PLPPR2: variants seen among roughly 807,000 people sequenced by gnomAD.
The protein encoded by PLPPR2 is phospholipid phosphatase-related protein type 2.
A neutral mutation model predicts 40.3 loss-of-function variants in PLPPR2; 11 were observed. The ratio of observed to expected loss-of-function variants is 0.27; its 90% CI spans 0.17 to 0.45. The LOEUF (loss-of-function observed/expected upper bound fraction) is 0.45, where lower values mean the gene tolerates loss of function less well. Ranked by LOEUF, PLPPR2 falls within the 20% of genes least tolerant of loss-of-function variation. PLPPR2 has a pLI of 1.00. For synonymous variants in PLPPR2, 260 were observed against 290.8 expected, an observed-to-expected ratio of 0.89 and a Z score of 1.08; for missense variants, 497 against 640.7, an observed-to-expected ratio of 0.78 and a Z score of 2.42.
At position 11,362,129 on chromosome 19, in the gene PLPPR2, T is replaced by C. The variant is rs1968063934; in HGVS notation, c.664-384T>C. Among the ~76,000 whole-genome samples, 1 of 152,054 alleles carries C rather than the reference T, an allele frequency of 6.6e-6. No homozygotes were observed. The highest frequency in any genetic ancestry group is 2.1e-4 in the South Asian group (1 of 4,824). ...CACCTCCTACAGCTCCTACAGCTCC[T>C]ACAGCTCCCTTCGCCCTGACTCCAC... is the stretch of plus-strand genomic sequence containing the variant. On this transcript the variant is annotated intron_variant, in intron 6 of 9. Transcript: ENST00000688289. This position sits in a 1 kb window ranked among gnomAD's most constrained non-coding sequence, Gnocchi z 5.3.
At position 11,361,159 on chromosome 19, in the gene PLPPR2, G is replaced by C; in HGVS notation, c.392-58G>C. ...GAAAAGGGAGCTAAGAGGCCCAATG[G>C]AATCAGTGGGAGCATCAGGGCCTGG... On this transcript the variant is annotated intron_variant, in intron 5 of 9. Coordinates refer to ENST00000688289, the MANE Select transcript of PLPPR2 (RefSeq NM_001393892.1). This position sits in a 1 kb window ranked among gnomAD's most constrained non-coding sequence, Gnocchi z 6.3. The C allele has an allele frequency of 6.5e-7, 1 of 1,537,594 alleles. No individual in the cohort carries two copies. The highest frequency in any genetic ancestry group is 8.8e-7 in the Non-Finnish European group (1 of 1,142,710).
chr19:11,364,896 C>T lies in PLPPR2; in HGVS notation c.*206C>T. Reference sequence around the variant, plus strand: ...GATGGGCACAAATGGAAGGTGCGCACTTGCCCCTACTATTGCCCTTTTAAG... The same window carrying T: ...GATGGGCACAAATGGAAGGTGCGCATTTGCCCCTACTATTGCCCTTTTAAG... On this transcript the variant is annotated 3_prime_UTR_variant, in exon 10 of 10. Transcript: ENST00000688289. This position sits in a 1 kb window ranked among gnomAD's most constrained non-coding sequence, Gnocchi z 5.8. 1.6e-6 allele frequency: 1 copy of T among 629,848 alleles called. No individual in the cohort carries two copies. The highest frequency in any genetic ancestry group is 2.7e-6 in the Non-Finnish European group (1 of 367,304). 39.0% of individuals were successfully genotyped at this position (629,848 alleles called of 1,614,324 possible).
rs1968089243 is a variant in PLPPR2 at position 11,362,834 on chromosome 19, T to C, written c.840+145T>C. 1.0e-6 allele frequency: 1 copy of C among 977,072 alleles called. No individual in the cohort carries two copies. The highest frequency in any genetic ancestry group is 1.6e-5 in the African/African-American group (1 of 61,070). 60.5% of individuals were successfully genotyped at this position (977,072 alleles called of 1,614,324 possible). Reference sequence around the variant, plus strand: ...ACATTACCCTTCCTGGATATTCTCATCTGTGAAATGAGATACCAGGATCAG... The same window carrying C: ...ACATTACCCTTCCTGGATATTCTCACCTGTGAAATGAGATACCAGGATCAG... On this transcript the variant is annotated intron_variant, in intron 7 of 9. Transcript: ENST00000688289. This position sits in a 1 kb window ranked among gnomAD's most constrained non-coding sequence, Gnocchi z 5.3.
At position 11,362,470 on chromosome 19, in the gene PLPPR2, G is replaced by A. The variant is rs1416238073; in HGVS notation, c.664-43G>A. The A allele has an allele frequency of 1.2e-6, 2 of 1,603,800 alleles. No individual in the cohort carries two copies. The highest frequency in any genetic ancestry group is 2.2e-5 in the East Asian group (1 of 44,864). On this transcript the variant is annotated intron_variant, in intron 6 of 9. Transcript: ENST00000688289. The surrounding 1 kb of genome is among the most constrained non-coding windows in gnomAD (Gnocchi z 5.3). ...AAAGGAGCGTCCACTTGGGTTCGGC[G>A]ACTTGCCTCCGCTATCCCCCTGACC...
rs1244157919 is a variant in PLPPR2, at chr19:11,364,582, C to T, written c.1251C>T (p.Pro417=). ...GGGRGRKLLL[P]TPLLRDLYTL... is the part of the protein sequence containing the mutation. ...GACGTGGCCGGAAGCTGCTGCTGCC[C>T]ACGCCCCTGCTGCGGGACCTGTACA... Residue 417 remains proline (P), a synonymous_variant, in exon 10 of 10, where the codon CCC becomes CCT. Coordinates refer to ENST00000688289, the MANE Select transcript of PLPPR2 (RefSeq NM_001393892.1). This position sits in a 1 kb window ranked among gnomAD's most constrained non-coding sequence, Gnocchi z 5.8. 2 of 1,537,030 alleles carry T rather than the reference C, an allele frequency of 1.3e-6. No individual in the cohort carries two copies. Among genetic ancestry groups the T allele is most frequent in the Non-Finnish European group, 1.7e-6 (2 of 1,146,856 alleles).
At chr19:11,358,993 G>C (rs1332041607) in intron 3 of PLPPR2, among the ~76,000 whole-genome samples, 3 of 152,086 alleles carry the variant, frequency 2.0e-5, no homozygotes, top group Non-Finnish European at 4.4e-5. Context: ...GGGATTACAA[G>C]CATGAGCCAC....
At position 11,365,010 on chromosome 19, in the gene PLPPR2, A is replaced by C; in HGVS notation, c.*320A>C. The C allele has an allele frequency of 3.4e-5, 13 of 379,468 alleles. No homozygotes were observed. Among genetic ancestry groups the C allele is most frequent in the East Asian group, 1.7e-4 (3 of 18,036 alleles). 23.5% of individuals were successfully genotyped at this position (379,468 alleles called of 1,614,324 possible). A position where few individuals can be genotyped will look rare whatever the true frequency, so the allele number is the denominator to read the frequency against. On this transcript the variant is annotated 3_prime_UTR_variant, in exon 10 of 10. Coordinates refer to ENST00000688289, the MANE Select transcript of PLPPR2 (RefSeq NM_001393892.1). ...AACCAAAAGGAGTTGGCTCCAACCA[A>C]TGGGAGCCTTCCCCTCACTTCTTAG...
Position 11,364,803 on chromosome 19 carries a change from C to G in PLPPR2, c.*113C>G. 1 of 1,228,410 alleles carries G rather than the reference C, an allele frequency of 8.1e-7. No individual in the cohort carries two copies. The highest frequency in any genetic ancestry group is 2.2e-5 in the Admixed American group (1 of 46,250). The allele number at this position is 1,228,410 out of a possible 1,614,324, so 76.1% of individuals were successfully genotyped here. Reference sequence around the variant, plus strand: ...CCCTGCCCCCCAAGCCAGCCAGACCCAGACATTAGAAGATGGCTAGAAGGA... The same window carrying G: ...CCCTGCCCCCCAAGCCAGCCAGACCGAGACATTAGAAGATGGCTAGAAGGA... On this transcript the variant is annotated 3_prime_UTR_variant, in exon 10 of 10. Transcript: ENST00000688289. The surrounding 1 kb of genome is among the most constrained non-coding windows in gnomAD (Gnocchi z 5.8).
chr19:11,362,329 C>G lies in PLPPR2; in HGVS notation c.664-184C>G, dbSNP rs986954151. 5.2e-6 allele frequency: 3 copies of G among 576,758 alleles called. No homozygotes were observed. The highest frequency in any genetic ancestry group is 9.1e-6 in the Non-Finnish European group (3 of 328,110). 35.7% of individuals were successfully genotyped at this position (576,758 alleles called of 1,614,324 possible). On this transcript the variant is annotated intron_variant, in intron 6 of 9. Coordinates refer to ENST00000688289, the MANE Select transcript of PLPPR2 (RefSeq NM_001393892.1). The surrounding 1 kb of genome is among the most constrained non-coding windows in gnomAD (Gnocchi z 5.3). ...AGACCTCAATCCCTGACCCCCCCCC[C>G]TTTGCCTTTTTGGTCACGCTCCCTG...
Position 11,361,290 on chromosome 19 carries a change from G to A in PLPPR2, c.465G>A (p.Thr155=). 1.9e-6 allele frequency: 3 copies of A among 1,613,650 alleles called. No individual in the cohort carries two copies. The highest frequency in any genetic ancestry group is 2.5e-6 in the Non-Finnish European group (3 of 1,179,938). Residue 155 remains threonine (T), a synonymous_variant, in exon 6 of 10, where the codon ACG becomes ACA. Transcript: ENST00000688289. This position sits in a 1 kb window ranked among gnomAD's most constrained non-coding sequence, Gnocchi z 6.3. The part of the protein sequence containing the change: ...NAGQVVTGNP[T]PHFLSVCRPN... ...GGCAGGTGGTGACCGGCAATCCCACGCCACACTTCCTGTCCGTGTGCCGCC... is the reference window on the plus strand; with the variant it reads ...GGCAGGTGGTGACCGGCAATCCCACACCACACTTCCTGTCCGTGTGCCGCC...
At chr19:11,358,031 G>C (rs926739951) in intron 3 of PLPPR2, among the ~76,000 whole-genome samples, 1 of 104 alleles carries the variant, frequency 9.6e-3, no homozygotes, top group Non-Finnish European at 0.031. Flanking sequence ...GCTGTTCTCT[G>C]TGTGTGTGTG....
At position 11,364,636 on chromosome 19, in the gene PLPPR2, C is replaced by T. The variant is rs372805400; in HGVS notation, c.1305C>T (p.Phe435=). Residue 435 remains phenylalanine (F), a synonymous_variant, in exon 10 of 10, where the codon TTC becomes TTT. Transcript: ENST00000688289. This position sits in a 1 kb window ranked among gnomAD's most constrained non-coding sequence, Gnocchi z 5.8. The stretch of plus-strand genomic sequence containing the variant: ...TGAGTGGACTCTATCCCTCCCCCTT[C>T]CACCGGGACAACTTCAGCCCTTACC... ...YTLSGLYPSP[F]HRDNFSPYLF... 2.2e-5 allele frequency: 34 copies of T among 1,537,130 alleles called. No individual in the cohort carries two copies. The highest frequency in any genetic ancestry group is 3.3e-4 in the Middle Eastern group (2 of 6,012).
chr19:11,363,985 G>A lies in PLPPR2; in HGVS notation c.963+150G>A, dbSNP rs529783247. The A allele has an allele frequency of 1.1e-5, 14 of 1,316,156 alleles. No homozygotes were observed. Among genetic ancestry groups the A allele is most frequent in the African/African-American group, 4.4e-5 (3 of 67,836 alleles). 81.5% of individuals were successfully genotyped at this position (1,316,156 alleles called of 1,614,324 possible). A position where few individuals can be genotyped will look rare whatever the true frequency, so the allele number is the denominator to read the frequency against. ...ATCTCTGTGGACATAGGTCCTGGGC[G>A]GACAGCCCCAAAGAATGAAAGGGAG... On this transcript the variant is annotated intron_variant, in intron 8 of 9. Coordinates refer to ENST00000688289, the MANE Select transcript of PLPPR2 (RefSeq NM_001393892.1). The surrounding 1 kb of genome is among the most constrained non-coding windows in gnomAD (Gnocchi z 4.8).
chr19:11,357,497 G>A, intron 2 of PLPPR2, 163 bp from the exon 3 acceptor site: 1 of 491,418 alleles, frequency 2.0e-6, no homozygotes, highest in Non-Finnish European at 3.6e-6. Context: ...CTGGATTGCA[G>A]AGGCATGGCC....
chr19:11,362,323 C>A lies in PLPPR2; in HGVS notation c.664-190C>A. 5.3e-6 allele frequency: 3 copies of A among 570,884 alleles called. No homozygotes were observed. Among genetic ancestry groups the A allele is most frequent in the Non-Finnish European group, 6.2e-6 (2 of 322,356 alleles). The allele number at this position is 570,884 out of a possible 1,614,324, so 35.4% of individuals were successfully genotyped here. A position where few individuals can be genotyped will look rare whatever the true frequency, so the allele number is the denominator to read the frequency against. ...ACTCCAAGACCTCAATCCCTGACCC[C>A]CCCCCCTTTGCCTTTTTGGTCACGC... On this transcript the variant is annotated intron_variant, in intron 6 of 9. Coordinates refer to ENST00000688289, the MANE Select transcript of PLPPR2 (RefSeq NM_001393892.1). The surrounding 1 kb of genome is among the most constrained non-coding windows in gnomAD (Gnocchi z 5.3).
rs1027021575 is a variant in PLPPR2, at chr19:11,362,787, G to A, written c.840+98G>A. The A allele has an allele frequency of 8.2e-6, 11 of 1,345,694 alleles. No homozygotes were observed. Among genetic ancestry groups the A allele is most frequent in the Non-Finnish European group, 1.1e-5 (11 of 988,474 alleles). The allele number at this position is 1,345,694 out of a possible 1,614,324, so 83.4% of individuals were successfully genotyped here. A position where few individuals can be genotyped will look rare whatever the true frequency, so the allele number is the denominator to read the frequency against. On this transcript the variant is annotated intron_variant, in intron 7 of 9. Transcript: ENST00000688289. This position sits in a 1 kb window ranked among gnomAD's most constrained non-coding sequence, Gnocchi z 5.3. ...TGATGGAGAAGGGTGTGGACTCTGT[G>A]TGACCTTGGGCCAATCCCTTAACAT...
At position 11,361,449 on chromosome 19, in the gene PLPPR2, G is replaced by A. The variant is rs1319511618; in HGVS notation, c.624G>A (p.Lys208=). 2 of 1,604,038 alleles carry A rather than the reference G, an allele frequency of 1.2e-6. No homozygotes were observed. Among genetic ancestry groups the A allele is most frequent in the Non-Finnish European group, 1.7e-6 (2 of 1,179,144 alleles). ...VAAARRAFPC[K]DAALCAYAVT... ...CCGCGCGCCGCGCCTTCCCCTGCAA[G>A]GATGCGGCCCTCTGCGCCTACGCGG... Residue 208 remains lysine (K), a synonymous_variant, in exon 6 of 10, where the codon AAG becomes AAA. Coordinates refer to ENST00000688289, the MANE Select transcript of PLPPR2 (RefSeq NM_001393892.1). The surrounding 1 kb of genome is among the most constrained non-coding windows in gnomAD (Gnocchi z 6.3).
At position 11,361,580 on chromosome 19, in the gene PLPPR2, T is replaced by C; in HGVS notation, c.663+92T>C. The C allele has an allele frequency of 6.7e-7, 1 of 1,493,462 alleles. No homozygotes were observed. Among genetic ancestry groups the C allele is most frequent in the Non-Finnish European group, 8.9e-7 (1 of 1,119,834 alleles). 92.5% of individuals were successfully genotyped at this position (1,493,462 alleles called of 1,614,324 possible). A position where few individuals can be genotyped will look rare whatever the true frequency, so the allele number is the denominator to read the frequency against. On this transcript the variant is annotated intron_variant, in intron 6 of 9. Transcript: ENST00000688289. This position sits in a 1 kb window ranked among gnomAD's most constrained non-coding sequence, Gnocchi z 6.3. Reference sequence around the variant, plus strand: ...GCCGCCAGGGTTGGAGCCTCTGCTCTTCCACGCCCCGGGTGCTGTTGGAAG... The same window carrying C: ...GCCGCCAGGGTTGGAGCCTCTGCTCCTCCACGCCCCGGGTGCTGTTGGAAG...
chr19:11,361,721 C>T lies in PLPPR2; in HGVS notation c.663+233C>T, dbSNP rs987789395. 6.6e-6 allele frequency among the ~76,000 whole-genome samples: 1 copy of T among 152,118 alleles called. No homozygotes were observed. Among genetic ancestry groups the T allele is most frequent in the African/African-American group, 2.4e-5 (1 of 41,418 alleles). On this transcript the variant is annotated intron_variant, in intron 6 of 9. Transcript: ENST00000688289. This position sits in a 1 kb window ranked among gnomAD's most constrained non-coding sequence, Gnocchi z 6.3. ...GACTCCGCCCCTTGCCCTCTGGCCA[C>T]GCCTCCTGAGCCAGTAATGCGAGGG...
Sources: allele counts gnomAD v4.1 joint callset (sites outside exome capture counted in the v4.1 genomes callset), GRCh38; gene constraint gnomAD v4.1.1; non-coding constraint Gnocchi (gnomAD v3.1); transcripts MANE v1.5; gene names NCBI Gene and HGNC (gene_info 2026-07-23, HGNC 2026-07-21).